Variants in PREX2 observed in about 807,000 individuals in gnomAD.
PREX2 encodes phosphatidylinositol-3,4,5-trisphosphate dependent Rac exchange factor 2.
Under a neutral mutation model 203.2 loss-of-function variants are expected in PREX2, and 107 were observed. The observed-to-expected ratio is 0.53, with a 90% CI of 0.45 to 0.62. The LOEUF is 0.62. Ranked by LOEUF, PREX2 falls within the 20% of genes least tolerant of loss-of-function variation. PREX2 has a pLI of 0.00. For missense variants in PREX2, 1,777 were observed against 1,955.9 expected (o/e 0.91, Z 1.72); for synonymous variants, 672 against 663.6 (o/e 1.01, Z -0.19).
intron 18 of PREX2, among the ~76,000 whole-genome samples, chr8:68,086,856 C>T (rs1170638922): frequency 6.6e-6 from 1 of 152,072 alleles, no homozygotes; most frequent in Non-Finnish European, 1.5e-5. Flanking sequence ...TAAAGTGAAT[C>T]ATTTTCTTAA....
At chr8:68,085,550 A>G (rs1809655694) in intron 18 of PREX2, among the ~76,000 whole-genome samples, 1 of 152,182 alleles carries the variant, frequency 6.6e-6, no homozygotes, top group South Asian at 2.1e-4. Context: ...TTCATACTTG[A>G]TAGCATCAAG....
Position 68,030,138 on chromosome 8 carries a change from C to A in PREX2, c.544-359C>A, listed in dbSNP as rs1807839924. ...AAAGATTTGTTATTCTGTTAAAGAC[C>A]CTAGAAAAATGAAATTAACATATAA... is the stretch of plus-strand genomic sequence containing the variant. On this transcript the variant is annotated intron_variant, in intron 5 of 39. Transcript: ENST00000288368. Among the ~76,000 whole-genome samples, 5 of 151,544 alleles carry A rather than the reference C, an allele frequency of 3.3e-5. No homozygotes were observed. In the Middle Eastern group the frequency reaches 0.01, roughly 309 times the overall value.
rs1813110053 is a variant in PREX2, at chr8:68,228,949, A to C, written c.4776-2384A>C. Among the ~76,000 whole-genome samples, 5 of 125,454 alleles carry C rather than the reference A, an allele frequency of 4.0e-5. No homozygotes were observed. In the Admixed American group the frequency reaches 4.4e-4, roughly 11 times the overall value. The allele number at this position is 125,454 out of a possible 152,430, so 82.3% of individuals were successfully genotyped here. ...AGAGTGAGACCTTGTCTCTTTAAAA[A>C]AAAAAAAAAAAAAAAAAAGAAAGAA... On this transcript the variant is annotated intron_variant, in intron 39 of 39. Transcript: ENST00000288368.
chr8:68,091,289 A>T (rs556235138), intron 20 of PREX2, among the ~76,000 whole-genome samples: 28 of 151,426 alleles, frequency 1.8e-4, no homozygotes, highest in African/African-American at 5.5e-4. Context: ...ATTGTAGAAC[A>T]CTATCCTTTG....
At chr8:68,223,200 G>C (rs773358013) in intron 38 of PREX2, 1 of 152,206 alleles carries the variant, frequency 6.6e-6, no homozygotes, top group African/African-American at 2.4e-5. Flanking sequence ...AAGGGTTAAC[G>C]TTAGGGGAAG....
In PREX2 at chr8:68,030,635, C is replaced by T. The variant is rs748221219; in HGVS notation, c.682C>T (p.Gln228Ter). The T allele has an allele frequency of 6.2e-7, 1 of 1,613,564 alleles. No homozygotes were observed. The highest frequency in any genetic ancestry group is 1.1e-5 in the South Asian group (1 of 91,056). The change falls in exon 6 of 40, where the codon CAG becomes TAG. Residue 228 changes from glutamine to a stop codon, truncating the protein, a stop_gained. Coordinates refer to ENST00000288368, the MANE Select transcript of PREX2 (RefSeq NM_024870.4). LOFTEE classifies it high-confidence loss of function. Reference sequence around the variant, plus strand: ...GAAGTTAGAAGTTTTAGAGGAATGGCAGTCTCACATTGAAGGCTGGGAGGT... The same window carrying T: ...GAAGTTAGAAGTTTTAGAGGAATGGTAGTCTCACATTGAAGGCTGGGAGGT... The part of the protein sequence containing the change: ...MEKLEVLEEW[Q>*]SHIEGWEGSN...
rs146096192 is a variant in PREX2, at chr8:68,224,620, C to T, written c.4769C>T (p.Ala1590Val). 1.1e-5 allele frequency: 17 copies of T among 1,612,642 alleles called. No individual in the cohort carries two copies. The highest frequency in any genetic ancestry group is 4.4e-5 in the South Asian group (4 of 91,034). The change falls in exon 39 of 40, where the codon GCA becomes GTA. Residue 1590 changes from alanine (A) to valine (V), a missense_variant. Transcript: ENST00000288368. ...GTCAGAGACCGGACTCCACAGTCTG[C>T]ACCAAGGTAAGTGCATCCCCTGCTC... ...LGVRDRTPQS[A>V]PRLYKLCEPP...
intron 5 of PREX2, among the ~76,000 whole-genome samples, chr8:68,028,001 T>C (rs1161663526): frequency 6.6e-6 from 1 of 152,040 alleles, no homozygotes; most frequent in Non-Finnish European, 1.5e-5. Flanking sequence ...AAACTGCGTT[T>C]TTTGGAACCA....
At chr8:68,214,932 A>T (rs1383907069) in intron 37 of PREX2, among the ~76,000 whole-genome samples, 1 of 152,192 alleles carries the variant, frequency 6.6e-6, no homozygotes, top group African/African-American at 2.4e-5. Flanking sequence ...TAATTGGAAG[A>T]TACATAATGG....
At position 67,952,365 on chromosome 8, in the gene PREX2, G is replaced by A; in HGVS notation, c.-30G>A. On this transcript the variant is annotated 5_prime_UTR_variant, in exon 1 of 40. Coordinates refer to ENST00000288368, the MANE Select transcript of PREX2 (RefSeq NM_024870.4). Reference sequence around the variant, plus strand: ...CGCGGGTCAGCGCTCAGCACGGCGGGCAGCGCCGCGCTGCGCACCGCCGCC... The same window carrying A: ...CGCGGGTCAGCGCTCAGCACGGCGGACAGCGCCGCGCTGCGCACCGCCGCC... 6.7e-7 allele frequency: 1 copy of A among 1,501,360 alleles called. No homozygotes were observed. The highest frequency in any genetic ancestry group is 8.9e-7 in the Non-Finnish European group (1 of 1,127,426). 93.0% of individuals were successfully genotyped at this position (1,501,360 alleles called of 1,614,324 possible).
intron 11 of PREX2, among the ~76,000 whole-genome samples, chr8:68,062,736 A>T (rs908131345): frequency 1.4e-5 from 2 of 143,304 alleles, no homozygotes; most frequent in Non-Finnish European, 3.0e-5. Flanking sequence ...TGTGATTCCA[A>T]TGTCCTATTT....
chr8:68,169,333 A>C lies in PREX2; in HGVS notation c.4346+11897A>C, dbSNP rs533715200. On this transcript the variant is annotated intron_variant, in intron 35 of 39. Coordinates refer to ENST00000288368, the MANE Select transcript of PREX2 (RefSeq NM_024870.4). The stretch of plus-strand genomic sequence containing the variant: ...ATAACACCAAGGGACTGTCACCAAG[A>C]GTGAGGGTCAGAATGCTGGACAAGC... 2.6e-4 allele frequency among the ~76,000 whole-genome samples: 40 copies of C among 152,136 alleles called. 1 individual carries two copies. Among genetic ancestry groups the C allele is most frequent in the African/African-American group, 9.4e-4 (39 of 41,530 alleles).
chr8:68,180,399 C>A (rs1396640319), intron 35 of PREX2, among the ~76,000 whole-genome samples: 1 of 151,992 alleles, frequency 6.6e-6, no homozygotes, highest in African/African-American at 2.4e-5. Flanking sequence ...CCTTTTTATC[C>A]CTAGCACTTG....
chr8:68,069,049 A>G lies in PREX2; in HGVS notation c.1356A>G (p.Gln452=), dbSNP rs367828345. The G allele has an allele frequency of 4.2e-5, 63 of 1,491,944 alleles. 1 individual carries two copies. Among genetic ancestry groups the G allele is most frequent in the African/African-American group, 2.6e-4 (18 of 69,324 alleles). The allele number at this position is 1,491,944 out of a possible 1,614,324, so 92.4% of individuals were successfully genotyped here. A position where few individuals can be genotyped will look rare whatever the true frequency, so the allele number is the denominator to read the frequency against. ...GIIHHVTDKH[Q]FKPEQMLYRF... ...TGTTCTTAGTTACTGATAAACATCA[A>G]TTCAAACCAGAACAGATGTTATATA... The change falls in exon 12 of 40, where the codon CAA becomes CAG. Residue 452 remains glutamine (Q), a synonymous_variant. Coordinates refer to ENST00000288368, the MANE Select transcript of PREX2 (RefSeq NM_024870.4).
chr8:68,117,675 C>T (rs79769265), intron 26 of PREX2, among the ~76,000 whole-genome samples: 6,605 of 152,168 alleles, frequency 0.043, 430 homozygotes, highest in African/African-American at 0.14. Context: ...AAAGAAAATA[C>T]TTTATCTCCT....
rs1487164443 is a variant in PREX2, at chr8:68,231,474, AT to A, written c.*97del. 1 of 791,150 alleles carries A rather than the reference AT, an allele frequency of 1.3e-6. No individual in the cohort carries two copies. Among genetic ancestry groups the A allele is most frequent in the African/African-American group, 2.2e-5 (1 of 45,318 alleles). The allele number at this position is 791,150 out of a possible 1,614,324, so 49.0% of individuals were successfully genotyped here. On this transcript the variant is annotated 3_prime_UTR_variant, in exon 40 of 40. Transcript: ENST00000288368. Reference sequence around the variant, plus strand: ...AACATTCTCCACTGAAGATACATCAATGCTTTTTTTTTTTTTTTTTTCTGTA... The same window carrying A: ...AACATTCTCCACTGAAGATACATCAAGCTTTTTTTTTTTTTTTTTTCTGTA...
rs1229888130 is a variant in PREX2, at chr8:68,204,159, C to T, written c.4604+11634C>T. Among the ~76,000 whole-genome samples the T allele has an allele frequency of 2.0e-5, 3 of 152,168 alleles. No individual in the cohort carries two copies. The East Asian group carries it at 5.8e-4, about 30-fold the overall frequency. On this transcript the variant is annotated intron_variant, in intron 37 of 39. Coordinates refer to ENST00000288368, the MANE Select transcript of PREX2 (RefSeq NM_024870.4). ...CAGTATTTAAGGTCCTAACACACTG[C>T]TGTTTCATAGTCATATACATTCCTG... is the stretch of plus-strand genomic sequence containing the variant.
At chr8:68,214,406 AAG>A (rs1563590678) in intron 37 of PREX2, among the ~76,000 whole-genome samples, 1 of 152,158 alleles carries the variant, frequency 6.6e-6, no homozygotes, top group East Asian at 1.9e-4. Context: ...TCTCCAAAAA[AAG>A]AGAAACCTCC....
At chr8:68,016,515 A>G (rs543423157) in intron 1 of PREX2, among the ~76,000 whole-genome samples, 3 of 152,162 alleles carry the variant, frequency 2.0e-5, no homozygotes, top group Non-Finnish European at 4.4e-5. Flanking sequence ...CAATTTTTCC[A>G]TTTTGGTAAT....
Sources: gnomAD v4.1 joint callset for allele counts (sites outside exome capture counted in the v4.1 genomes callset) on GRCh38, gnomAD v4.1.1 for gene constraint, MANE v1.5 for transcripts, NCBI Gene and HGNC (gene_info 2026-07-23, HGNC 2026-07-21) for gene names.